Variants in MAGI2 observed in about 807,000 individuals in gnomAD.
The protein encoded by MAGI2 is membrane associated guanylate kinase, WW and PDZ domain containing 2.
MAGI2 carries 35 observed loss-of-function variants against 133.3 expected under a neutral mutation model. That is an observed-to-expected ratio of 0.26 (90% CI 0.20 to 0.35). The LOEUF (loss-of-function observed/expected upper bound fraction) is 0.35. Ranked by LOEUF, MAGI2 falls within the 10% of genes least tolerant of loss-of-function variation. The probability of loss-of-function intolerance (pLI) is 1.00; values close to 1 mark genes in which losing one functional copy is unlikely to be tolerated. For synonymous variants in MAGI2, 729 were observed against 710.6 expected (o/e 1.03, Z -0.41); for missense variants, 1,636 against 1,863.4 (o/e 0.88, Z 2.25).
intron 3 of MAGI2, among the ~76,000 whole-genome samples, chr7:78,529,675 T>TTTTTG (rs1265018611): frequency 1.8e-5 from 1 of 56,302 alleles, no homozygotes; most frequent in African/African-American, 7.6e-5. Flanking sequence ...ATGGTTTTTT[T>TTTTTG]TTTTTTTTTT....
At chr7:78,431,210 G>C (rs930581975) in intron 6 of MAGI2, among the ~76,000 whole-genome samples, 1 of 151,876 alleles carries the variant, frequency 6.6e-6, no homozygotes, top group African/African-American at 2.4e-5. Flanking sequence ...ACTTCATTTA[G>C]GAAAATATGT....
chr7:78,797,522 T>C (rs1016584272), intron 2 of MAGI2, among the ~76,000 whole-genome samples: 2 of 152,114 alleles, frequency 1.3e-5, no homozygotes, highest in African/African-American at 2.4e-5. Context: ...TTCTTTATTA[T>C]GTGAATGAAT....
intron 1 of MAGI2, among the ~76,000 whole-genome samples, chr7:79,123,679 A>T (rs181494695): frequency 6.7e-6 from 1 of 149,728 alleles, no homozygotes; most frequent in African/African-American, 2.4e-5. Flanking sequence ...CCAGCAACTC[A>T]GGAGACTGAG....
At chr7:78,187,341 C>T (rs1040622935) in intron 12 of MAGI2, among the ~76,000 whole-genome samples, 4 of 151,814 alleles carry the variant, frequency 2.6e-5, no homozygotes, top group Admixed American at 1.3e-4. Context: ...CAATCATATG[C>T]GATTATTCCT....
At chr7:79,068,886 T>C (rs1307153993) in intron 1 of MAGI2, among the ~76,000 whole-genome samples, 4 of 152,210 alleles carry the variant, frequency 2.6e-5, no homozygotes, top group East Asian at 1.9e-4. Flanking sequence ...AGTTTCCATG[T>C]AGATGTGCAG....
At chr7:78,205,826 TA>T (rs1829676999) in intron 10 of MAGI2, among the ~76,000 whole-genome samples, 1 of 152,224 alleles carries the variant, frequency 6.6e-6, no homozygotes, top group Non-Finnish European at 1.5e-5. Flanking sequence ...CTATTTCCTT[TA>T]TTGTCAGGAA....
At chr7:78,250,967 CA>C (rs1792324554) in intron 10 of MAGI2, among the ~76,000 whole-genome samples, 1 of 152,042 alleles carries the variant, frequency 6.6e-6, no homozygotes, top group African/African-American at 2.4e-5. Context: ...TTCCCCCAAA[CA>C]GATTAAAAAA....
chr7:79,038,011 T>C (rs1449113860), intron 1 of MAGI2, among the ~76,000 whole-genome samples: 1 of 152,332 alleles, frequency 6.6e-6, no homozygotes, highest in East Asian at 1.9e-4. Flanking sequence ...GCCAAAAACC[T>C]TTTGTACGTT....
At chr7:79,124,329 T>C (rs1347763790) in intron 1 of MAGI2, among the ~76,000 whole-genome samples, 2 of 152,196 alleles carry the variant, frequency 1.3e-5, no homozygotes, top group African/African-American at 4.8e-5. Context: ...GCCTGGGATA[T>C]GCTTTAACAT....
At chr7:79,309,815 A>C (rs1003537877) in intron 1 of MAGI2, among the ~76,000 whole-genome samples, 3 of 151,884 alleles carry the variant, frequency 2.0e-5, no homozygotes, top group Non-Finnish European at 4.4e-5. Flanking sequence ...AAATGCAATC[A>C]GGGAAGACTA....
intron 3 of MAGI2, among the ~76,000 whole-genome samples, chr7:78,524,028 T>A (rs1796735916): frequency 6.8e-6 from 1 of 147,286 alleles, no homozygotes; most frequent in Admixed American, 6.8e-5. Flanking sequence ...TGTCCTCAGC[T>A]GCTCTGATTC....
chr7:79,035,693 C>T (rs961523504), intron 1 of MAGI2, among the ~76,000 whole-genome samples: 3 of 152,100 alleles, frequency 2.0e-5, no homozygotes, highest in Non-Finnish European at 4.4e-5. Context: ...TCAATTTATT[C>T]TTTATTAGTA....
At chr7:78,593,370 C>A (rs146142459) in intron 3 of MAGI2, among the ~76,000 whole-genome samples, 3,071 of 151,994 alleles carry the variant, frequency 0.02, 50 homozygotes, top group Non-Finnish European at 0.03. Flanking sequence ...CCAGCCTGGG[C>A]GACAGAGCGA....
intron 2 of MAGI2, among the ~76,000 whole-genome samples, chr7:78,753,485 T>C (rs535628268): frequency 1.2e-4 from 18 of 152,224 alleles, no homozygotes; most frequent in Non-Finnish European, 2.2e-4. Context: ...AGATATGACA[T>C]ATGGATCACT....
intron 3 of MAGI2, among the ~76,000 whole-genome samples, chr7:78,592,722 G>A (rs1345025979): frequency 6.6e-6 from 1 of 151,870 alleles, no homozygotes. Flanking sequence ...GGGAATGCGT[G>A]TCCATGATTT....
chr7:79,052,425 C>T (rs900168443), intron 1 of MAGI2, among the ~76,000 whole-genome samples: 1 of 152,178 alleles, frequency 6.6e-6, no homozygotes, highest in African/African-American at 2.4e-5. Context: ...GAGCATGGCA[C>T]CATGTGCACC....
chr7:79,224,847 G>A (rs1830710983), intron 1 of MAGI2, among the ~76,000 whole-genome samples: 2 of 152,128 alleles, frequency 1.3e-5, no homozygotes, highest in Non-Finnish European at 2.9e-5. Flanking sequence ...CGGACATAAG[G>A]CAGCTTTAGG....
At chr7:78,580,504 A>G (rs1802724259) in intron 3 of MAGI2, among the ~76,000 whole-genome samples, 1 of 152,246 alleles carries the variant, frequency 6.6e-6, no homozygotes, top group African/African-American at 2.4e-5. Flanking sequence ...AGGCAGAAGA[A>G]GAATCATGAT....
chr7:79,303,684 A>G (rs1385852088), intron 1 of MAGI2, among the ~76,000 whole-genome samples: 1 of 152,162 alleles, frequency 6.6e-6, no homozygotes, highest in Non-Finnish European at 1.5e-5. Flanking sequence ...AACTCTGACA[A>G]TGTTTACCAT....
Sources: allele counts gnomAD v4.1 joint callset (sites outside exome capture counted in the v4.1 genomes callset), GRCh38; gene constraint gnomAD v4.1.1; transcripts MANE v1.5; gene names NCBI Gene and HGNC (gene_info 2026-07-23, HGNC 2026-07-21).